DEFB110: variants seen among roughly 807,000 people sequenced by gnomAD.
DEFB110 encodes defensin beta 110, also known as beta-defensin 110.
A neutral mutation model predicts 2.5 loss-of-function variants in DEFB110; 4 were observed. That is an observed-to-expected ratio of 1.60 (90% CI 0.79 to 3.66). The LOEUF (loss-of-function observed/expected upper bound fraction) is 3.66. Ranked by LOEUF, DEFB110 falls within the 30% of genes most tolerant of loss-of-function variation. DEFB110 has a pLI of 0.01. For missense variants in DEFB110, 94 were observed against 75.4 expected (o/e 1.25, Z -0.91); for synonymous variants, 29 against 21.8 (o/e 1.33, Z -0.92).
chr6:50,020,915 C>T lies in DEFB110; in HGVS notation c.55+966G>A, dbSNP rs112792502. On this transcript the variant is annotated intron_variant, in intron 1 of 1. Transcript: ENST00000371148. ...GTGACAGACACCTGAATTATACTCA[C>T]TTTTGGCAAAAGTTCTGTCATGTTT... Among the ~76,000 whole-genome samples the T allele has an allele frequency of 2.4e-3, 359 of 152,296 alleles. 3 individuals carry two copies. The highest frequency in any genetic ancestry group is 6.2e-3 in the African/African-American group (259 of 41,568).
chr6:50,011,764 A>G (rs944566315), intron 1 of DEFB110, among the ~76,000 whole-genome samples: 1 of 152,074 alleles, frequency 6.6e-6, no homozygotes, highest in Non-Finnish European at 1.5e-5. Context: ...CCATAAGTGC[A>G]GAGTTGAAAG....
Position 50,019,958 on chromosome 6 carries a change from T to A in DEFB110, c.56-833A>T, listed in dbSNP as rs1774391030. Among the ~76,000 whole-genome samples, 4 of 152,126 alleles carry A rather than the reference T, an allele frequency of 2.6e-5. No individual in the cohort carries two copies. In the South Asian group the frequency reaches 8.3e-4, roughly 31 times the overall value. ...TATAACTGCTTTTGCATTAAAATAA[T>A]GCAGTTGAGATCATAGGGTTCATAA... is the stretch of plus-strand genomic sequence containing the variant. On this transcript the variant is annotated intron_variant, in intron 1 of 1. Coordinates refer to ENST00000371148, the MANE Select transcript of DEFB110 (RefSeq NM_001037497.2).
downstream of DEFB110, among the ~76,000 whole-genome samples, chr6:50,014,780 G>A (rs1202755998): frequency 6.6e-6 from 1 of 151,628 alleles, no homozygotes; most frequent in Non-Finnish European, 1.5e-5. Context: ...CAGACTTTCA[G>A]CACCAAATTA....
At chr6:50,021,599 T>G (rs1260413376) in intron 1 of DEFB110, among the ~76,000 whole-genome samples, 1 of 152,210 alleles carries the variant, frequency 6.6e-6, no homozygotes, top group African/African-American at 2.4e-5. Context: ...TTATGTTATA[T>G]ATTGCATAAA....
At position 50,009,553 on chromosome 6, in the gene DEFB110, A is replaced by G. The variant is rs76946816; in HGVS notation, c.56-282T>C. Reference sequence around the variant, plus strand: ...TACAGTAACAACGAGAAAGTGACACACAATTTGGTACTTAATTATATGTAT... The same window carrying G: ...TACAGTAACAACGAGAAAGTGACACGCAATTTGGTACTTAATTATATGTAT... On this transcript the variant is annotated intron_variant, in intron 1 of 1. Coordinates refer to the DEFB110 transcript ENST00000393660. 8.8e-3 allele frequency among the ~76,000 whole-genome samples: 1,343 copies of G among 152,292 alleles called. 15 individuals are homozygous for G. The highest frequency in any genetic ancestry group is 0.028 in the African/African-American group (1,151 of 41,566).
intron 1 of DEFB110, among the ~76,000 whole-genome samples, chr6:50,012,240 C>T (rs560372897): frequency 2.4e-4 from 36 of 152,004 alleles, no homozygotes; most frequent in African/African-American, 8.4e-4. Flanking sequence ...CCTGCTATGG[C>T]TTTTTGCTAT....
chr6:50,012,345 T>G (rs1774241509), intron 1 of DEFB110, among the ~76,000 whole-genome samples: 1 of 151,906 alleles, frequency 6.6e-6, no homozygotes, highest in Admixed American at 6.6e-5. Context: ...GGAAAATGCT[T>G]GAAACAAATT....
Position 50,018,906 on chromosome 6 carries a change from G to C in DEFB110, c.*71C>G. Reference sequence around the variant, plus strand: ...ATTATAGAGACACACACGCCTTGAAGGATGTGCTGGGAAAACTTAATAACG... The same window carrying C: ...ATTATAGAGACACACACGCCTTGAACGATGTGCTGGGAAAACTTAATAACG... On this transcript the variant is annotated 3_prime_UTR_variant, in exon 2 of 2. Coordinates refer to ENST00000371148, the MANE Select transcript of DEFB110 (RefSeq NM_001037497.2). The C allele has an allele frequency of 6.6e-7, 1 of 1,525,076 alleles. No homozygotes were observed. The highest frequency in any genetic ancestry group is 8.8e-7 in the Non-Finnish European group (1 of 1,141,476). 94.5% of individuals were successfully genotyped at this position (1,525,076 alleles called of 1,614,324 possible).
chr6:50,021,915 GA>G lies in DEFB110; in HGVS notation c.20del (p.Phe7SerfsTer25), dbSNP rs772119246. The G allele has an allele frequency of 6.4e-6, 10 of 1,556,880 alleles. No individual in the cohort carries two copies. Among genetic ancestry groups the G allele is most frequent in the Admixed American group, 4.3e-5 (2 of 46,546 alleles). The part of the protein sequence containing the change: MKIQLF[F>X]FILHFWVTIL... ...TTGTGACCCAAAAGTGCAGAATAAA[GA>G]AAAAAAGTTGAATCTTCATGGTAGA... On this transcript the variant is annotated frameshift_variant, in exon 1 of 2. Transcript: ENST00000371148. LOFTEE classifies it high-confidence loss of function.
chr6:50,012,987 C>A (rs1216884983), intron 1 of DEFB110, among the ~76,000 whole-genome samples: 1 of 151,798 alleles, frequency 6.6e-6, no homozygotes, highest in Non-Finnish European at 1.5e-5. Flanking sequence ...CTGGAATAGT[C>A]TATTTTTACT....
chr6:50,012,449 A>G (rs978202645), intron 1 of DEFB110, among the ~76,000 whole-genome samples: 1 of 151,748 alleles, frequency 6.6e-6, no homozygotes, highest in African/African-American at 2.4e-5. Flanking sequence ...ATAATAAAAA[A>G]CTCTATGTTT....
At chr6:50,015,001 A>G (rs541495562), downstream of DEFB110, among the ~76,000 whole-genome samples, 1 of 151,964 alleles carries the variant, frequency 6.6e-6, no homozygotes, top group South Asian at 2.1e-4. Flanking sequence ...CAAACTCTAC[A>G]TGTCCAAAAT....
At chr6:50,018,579 G>C (rs905814058), downstream of DEFB110, among the ~76,000 whole-genome samples, 12 of 151,916 alleles carry the variant, frequency 7.9e-5, no homozygotes, top group Admixed American at 3.9e-4. Context: ...CTGTGGAACA[G>C]TATCTAATAA....
intron 1 of DEFB110, among the ~76,000 whole-genome samples, chr6:50,011,594 G>T (rs558974134): frequency 6.6e-6 from 1 of 152,030 alleles, no homozygotes; most frequent in Non-Finnish European, 1.5e-5. Context: ...GCTTAAAAGC[G>T]CAGTGGTCTC....
At chr6:50,021,405 G>C (rs755813500) in intron 1 of DEFB110, among the ~76,000 whole-genome samples, 8 of 152,044 alleles carry the variant, frequency 5.3e-5, no homozygotes, top group Non-Finnish European at 8.8e-5. Flanking sequence ...GTGATACTTC[G>C]ATATTTCAAT....
At chr6:50,013,213 T>C (rs1774254578) in intron 1 of DEFB110, among the ~76,000 whole-genome samples, 1 of 151,824 alleles carries the variant, frequency 6.6e-6, no homozygotes, top group African/African-American at 2.4e-5. Context: ...AAGCTAGGTT[T>C]GTTGGACTCA....
At chr6:50,021,719 A>G (rs1468194998) in intron 1 of DEFB110, among the ~76,000 whole-genome samples, 162 bp downstream of exon 1, 1 of 152,112 alleles carries the variant, frequency 6.6e-6, no homozygotes, top group African/African-American at 2.4e-5. Context: ...GTTTTTCACT[A>G]TTGTCTTTAT....
intron 1 of DEFB110, among the ~76,000 whole-genome samples, chr6:50,012,574 G>A (rs1582364197): frequency 6.6e-6 from 1 of 151,790 alleles, no homozygotes; most frequent in South Asian, 2.1e-4. Context: ...GGGTTGTGTG[G>A]CAATCAAATG....
chr6:50,010,949 A>C (rs1774217039), intron 1 of DEFB110, among the ~76,000 whole-genome samples: 1 of 151,784 alleles, frequency 6.6e-6, no homozygotes, highest in Non-Finnish European at 1.5e-5. Flanking sequence ...TTTTGTTCTG[A>C]CTTTCTAATT....
Sources: gnomAD v4.1 joint callset for allele counts (sites outside exome capture counted in the v4.1 genomes callset) on GRCh38, gnomAD v4.1.1 for gene constraint, MANE v1.5 for transcripts, NCBI Gene and HGNC (gene_info 2026-07-23, HGNC 2026-07-21) for gene names.